Variants in ZNF786 observed in about 807,000 individuals in gnomAD.
The protein encoded by ZNF786 is zinc finger protein 786.
Under a neutral mutation model 63.1 loss-of-function variants are expected in ZNF786, and 56 were observed. The ratio of observed to expected loss-of-function variants is 0.89; its 90% CI spans 0.72 to 1.11. The LOEUF is 1.11. ZNF786 is among the 50% of genes least tolerant of loss of function. The pLI, the probability that ZNF786 is intolerant of heterozygous loss-of-function variation, is 0.00. For synonymous variants in ZNF786, 485 were observed against 406.9 expected (o/e 1.19, Z -2.31); for missense variants, 1,213 against 1,041.8 (o/e 1.16, Z -2.26).
intron 2 of ZNF786, among the ~76,000 whole-genome samples, chr7:149,080,084 A>C (rs1348422806): frequency 6.6e-6 from 1 of 151,948 alleles, no homozygotes; most frequent in East Asian, 2.0e-4. Flanking sequence ...AGGCAGGAGA[A>C]CTGCTTGAAC....
At chr7:149,076,550 A>C (rs1296706327) in intron 2 of ZNF786, among the ~76,000 whole-genome samples, 2 of 151,246 alleles carry the variant, frequency 1.3e-5, no homozygotes, top group African/African-American at 4.8e-5. Flanking sequence ...AATATGGTGA[A>C]AGCTCATCTA....
At chr7:149,074,345 A>G in intron 3 of ZNF786, 41 bp downstream of exon 3, 2 of 1,606,716 alleles carry the variant, frequency 1.2e-6, no homozygotes, top group Non-Finnish European at 1.7e-6. Context: ...AAATCTGAAC[A>G]TGATGTCTCA....
At chr7:149,086,626 T>TCACACA (rs147898859) in intron 1 of ZNF786, among the ~76,000 whole-genome samples, 4,382 of 147,652 alleles carry the variant, frequency 0.03, 72 homozygotes, top group Admixed American at 0.045. Flanking sequence ...ACACTCTGTC[T>TCACACA]CACACACACA....
chr7:149,080,065 G>A (rs149402112), intron 2 of ZNF786, among the ~76,000 whole-genome samples: 1,549 of 151,936 alleles, frequency 0.01, 31 homozygotes, highest in African/African-American at 0.035. Flanking sequence ...CCAGTTACTC[G>A]GTAGGCTGAG....
chr7:149,090,662 C>T lies in ZNF786; in HGVS notation c.-22G>A, dbSNP rs758192395. The stretch of plus-strand genomic sequence containing the variant: ...CCATGGTCCCCGCGGTCCCGCCCGG[C>T]CCTGGCAAACCCGACCGTCTCCGGC... On this transcript the variant is annotated 5_prime_UTR_variant, in exon 1 of 4. Coordinates refer to ENST00000491431, the MANE Select transcript of ZNF786 (RefSeq NM_152411.4). 1.9e-6 allele frequency: 3 copies of T among 1,579,926 alleles called. No homozygotes were observed. Among genetic ancestry groups the T allele is most frequent in the South Asian group, 1.1e-5 (1 of 87,200 alleles).
In ZNF786 at chr7:149,072,097, C is replaced by T. The variant is rs778525737; in HGVS notation, c.675G>A (p.Ala225=). 13 of 1,613,010 alleles carry T rather than the reference C, an allele frequency of 8.1e-6. No individual in the cohort carries two copies. The highest frequency in any genetic ancestry group is 3.3e-5 in the Admixed American group (2 of 59,858). ...GGCTGCTCCACGGCATCTGCGTCTC[C>T]GCCCTCTTGTTGAATTTCTCCCAGG... ...RRAWEKFNKR[A]ETQMPWSSPR... Residue 225 remains alanine, a synonymous_variant, in exon 4 of 4, where the codon GCG becomes GCA. Coordinates refer to ENST00000491431, the MANE Select transcript of ZNF786 (RefSeq NM_152411.4).
Position 149,070,943 on chromosome 7 carries a change from C to T in ZNF786, c.1829G>A (p.Ser610Asn), listed in dbSNP as rs1270523117. 1 of 1,613,270 alleles carries T rather than the reference C, an allele frequency of 6.2e-7. No individual in the cohort carries two copies. The highest frequency in any genetic ancestry group is 8.5e-7 in the Non-Finnish European group (1 of 1,179,912). ...CTCTCCCGTGTGCAGGCGCTGATGG[C>T]TGAGCAGCTGCCCCTTCAGGCGGAA... ...RSFRLKGQLL[S>N]HQRLHTGERP... Residue 610 changes from serine (S) to asparagine (N), a missense_variant, in exon 4 of 4, where the codon AGC becomes AAC. Coordinates refer to ENST00000491431, the MANE Select transcript of ZNF786 (RefSeq NM_152411.4).
chr7:149,079,404 G>C (rs1267030605), intron 2 of ZNF786, among the ~76,000 whole-genome samples: 5 of 149,490 alleles, frequency 3.3e-5, no homozygotes, highest in African/African-American at 4.9e-5. Context: ...GCCAGACTCC[G>C]TCTCAAAAAA....
chr7:149,074,440 A>G lies in ZNF786; in HGVS notation c.244T>C (p.Cys82Arg). 6.2e-7 allele frequency: 1 copy of G among 1,613,904 alleles called. No homozygotes were observed. Among genetic ancestry groups the G allele is most frequent in the Non-Finnish European group, 8.5e-7 (1 of 1,179,846 alleles). ...TCAAAATGCATATCAACAGAGGAGC[A>G]AATTATGTTTCCTGATTTCTGTGAT... ...RESQKSGNII[C>R]SSVDMHFDPG... The change falls in exon 3 of 4, where the codon TGC becomes CGC. Residue 82 changes from cysteine to arginine, a missense_variant. Physicochemically the swap from Cys to Arg is radical, Grantham distance 180. Transcript: ENST00000491431.
At position 149,071,294 on chromosome 7, in the gene ZNF786, T is replaced by C; in HGVS notation, c.1478A>G (p.Glu493Gly). Residue 493 changes from glutamate to glycine, a missense_variant, in exon 4 of 4, where the codon GAG becomes GGG. By Grantham distance (98) the Glu-to-Gly change is moderately conservative. Coordinates refer to ENST00000491431, the MANE Select transcript of ZNF786 (RefSeq NM_152411.4). ...GAGCCGGTGGGCTCTCAGCATGCTC[T>C]CCAGGCGGAAGCTCAGCCCACACTC... ...CPECGLSFRL[E>G]SMLRAHRLRH... 1.2e-6 allele frequency: 2 copies of C among 1,611,122 alleles called. No individual in the cohort carries two copies. The highest frequency in any genetic ancestry group is 2.2e-5 in the East Asian group (1 of 44,752).
chr7:149,073,747 GTATATATATATATATATATA>G (rs57987134), intron 3 of ZNF786, among the ~76,000 whole-genome samples: 1 of 77,602 alleles, frequency 1.3e-5, no homozygotes, highest in Non-Finnish European at 2.5e-5. Context: ...GTGTGTGTGT[GTATATATATATATATATATA>G]TATATATATA....
At chr7:149,074,692 C>A (rs1825511690) in intron 2 of ZNF786, among the ~76,000 whole-genome samples, 154 bp from the exon 3 acceptor site, 1 of 151,420 alleles carries the variant, frequency 6.6e-6, no homozygotes, top group Non-Finnish European at 1.5e-5. Flanking sequence ...AAACCGCCTA[C>A]ACATCCTAAC....
intron 3 of ZNF786, among the ~76,000 whole-genome samples, chr7:149,073,697 A>G (rs1327019500): frequency 6.9e-6 from 1 of 144,970 alleles, no homozygotes; most frequent in African/African-American, 2.5e-5. Flanking sequence ...ATACATATGT[A>G]TATACACGTG....
intron 1 of ZNF786, among the ~76,000 whole-genome samples, chr7:149,082,008 G>GA (rs1825660506): frequency 2.0e-5 from 3 of 152,232 alleles, no homozygotes; most frequent in Admixed American, 2.0e-4. Context: ...ACAATGGCTG[G>GA]AAAAAACAAT....
intron 1 of ZNF786, chr7:149,082,605 G>A (rs1050058574): frequency 9.3e-5 from 35 of 375,468 alleles, no homozygotes; most frequent in African/African-American, 4.1e-4. Flanking sequence ...TTTTTGAGAC[G>A]GCATCTCGCT....
Position 149,070,944 on chromosome 7 carries a change from TGAGCAGCTGCCCCTTCAGGCG to T in ZNF786, c.1807_1827del (p.Arg603_Leu609del). 1 of 1,613,116 alleles carries T rather than the reference TGAGCAGCTGCCCCTTCAGGCG, an allele frequency of 6.2e-7. No individual in the cohort carries two copies. Among genetic ancestry groups the T allele is most frequent in the Non-Finnish European group, 8.5e-7 (1 of 1,179,868 alleles). On this transcript the variant is annotated inframe_deletion, in exon 4 of 4. Coordinates refer to ENST00000491431, the MANE Select transcript of ZNF786 (RefSeq NM_152411.4). ...TCTCCCGTGTGCAGGCGCTGATGGC[TGAGCAGCTGCCCCTTCAGGCG>T]GAAGCTCCTGTTGCACTCTGGGCAC... is the stretch of plus-strand genomic sequence containing the variant.
At chr7:149,090,434 C>T (rs547918537) in intron 1 of ZNF786, among the ~76,000 whole-genome samples, 189 bp downstream of exon 1, 1 of 152,346 alleles carries the variant, frequency 6.6e-6, no homozygotes, top group African/African-American at 2.4e-5. Context: ...CACGGACAAG[C>T]CGCGGGAGCG....
rs1306848635 is a variant in ZNF786 at position 149,071,378 on chromosome 7, C to T, written c.1394G>A (p.Arg465Lys). ...CCGCTGGTGCCGCAGCAGCTGTCCCCTCTGACGGAAGTTCCTGCCACACTT... is the reference window on the plus strand; with the variant it reads ...CCGCTGGTGCCGCAGCAGCTGTCCCTTCTGACGGAAGTTCCTGCCACACTT... ...CAKCGRNFRQ[R>K]GQLLRHQRLH... is the part of the protein sequence containing the mutation. Residue 465 changes from arginine (R) to lysine (K), a missense_variant, in exon 4 of 4, where the codon AGG (arginine) becomes AAG (lysine). Physicochemically the swap from Arg to Lys is conservative, Grantham distance 26. Coordinates refer to ENST00000491431, the MANE Select transcript of ZNF786 (RefSeq NM_152411.4). 5.0e-6 allele frequency: 8 copies of T among 1,613,236 alleles called. No individual in the cohort carries two copies. The highest frequency in any genetic ancestry group is 6.8e-6 in the Non-Finnish European group (8 of 1,179,758).
intron 1 of ZNF786, among the ~76,000 whole-genome samples, chr7:149,081,435 CAAAAAAAAAA>C (rs749538585): frequency 8.4e-4 from 39 of 46,230 alleles, no homozygotes; most frequent in Non-Finnish European, 1.2e-3. Context: ...GACTCGGTCT[CAAAAAAAAAA>C]AAAAAAAAAA....
Sources: allele counts gnomAD v4.1 joint callset (sites outside exome capture counted in the v4.1 genomes callset), GRCh38; gene constraint gnomAD v4.1.1; transcripts MANE v1.5; gene names NCBI Gene and HGNC (gene_info 2026-07-23, HGNC 2026-07-21).